ACOT7: variants seen among roughly 807,000 people sequenced by gnomAD.
The protein encoded by ACOT7 is cytosolic acyl coenzyme A thioester hydrolase.
A neutral mutation model predicts 40.2 loss-of-function variants in ACOT7; 12 were observed. The observed-to-expected ratio is 0.30, with a 90% CI of 0.19 to 0.48. ACOT7 has a LOEUF of 0.48. Ranked by LOEUF, ACOT7 falls within the 20% of genes least tolerant of loss-of-function variation. ACOT7 has a pLI of 0.99. For synonymous variants in ACOT7, 228 were observed against 219.5 expected (o/e 1.04, Z -0.34); for missense variants, 395 against 530.8 (o/e 0.74, Z 2.51).
At position 6,393,229 on chromosome 1, in the gene ACOT7, T is replaced by G. The variant is rs1431266566; in HGVS notation, c.143+28A>C. The G allele has an allele frequency of 5.5e-6, 7 of 1,268,224 alleles. No homozygotes were observed. The African/African-American group carries it at 6.1e-5, about 11-fold the overall frequency. The allele number at this position is 1,268,224 out of a possible 1,614,324, so 78.6% of individuals were successfully genotyped here. On this transcript the variant is annotated intron_variant, in intron 1 of 8. Transcript: ENST00000361521. ...GGCGGTGACCGGCGCGCCTGGCCGC[T>G]GCAGGCTGCGCGCGGGCCCTCTCTT...
chr1:6,313,214 G>T (rs747281415), intron 6 of ACOT7, among the ~76,000 whole-genome samples: 1 of 152,206 alleles, frequency 6.6e-6, no homozygotes, highest in Non-Finnish European at 1.5e-5. Context: ...TGCAAACTAC[G>T]TGATTTGCTA....
Position 6,393,350 on chromosome 1 carries a change from C to A in ACOT7, c.50G>T (p.Cys17Phe), listed in dbSNP as rs1191730172. 8.0e-7 allele frequency: 1 copy of A among 1,249,090 alleles called. No homozygotes were observed. Among genetic ancestry groups the A allele is most frequent in the East Asian group, 3.0e-5 (1 of 32,860 alleles). The allele number at this position is 1,249,090 out of a possible 1,614,324, so 77.4% of individuals were successfully genotyped here. A position where few individuals can be genotyped will look rare whatever the true frequency, so the allele number is the denominator to read the frequency against. The change falls in exon 1 of 9, where the codon TGC becomes TTC. Residue 17 changes from cysteine to phenylalanine, a missense_variant. Physicochemically the swap from Cys to Phe is radical, Grantham distance 205 (BLOSUM62 -2). Transcript: ENST00000361521. ...IHSAPGLPDT[C>F]ALLQPPAASA... ...TGCGGCGGGCGGCTGCAGAAGGGCG[C>A]AGGTGTCTGGCAGGCCCGGCGCGGA...
At chr1:6,370,207 C>T (rs1642102449) in intron 1 of ACOT7, among the ~76,000 whole-genome samples, 1 of 152,110 alleles carries the variant, frequency 6.6e-6, no homozygotes, top group African/African-American at 2.4e-5. Flanking sequence ...GCTTCCCTTC[C>T]CCTTCTGCTG....
In ACOT7 at chr1:6,330,361, A is replaced by C. The variant is rs1640921637; in HGVS notation, c.511-2948T>G. 6.6e-6 allele frequency among the ~76,000 whole-genome samples: 1 copy of C among 152,148 alleles called. No homozygotes were observed. Among genetic ancestry groups the C allele is most frequent in the Admixed American group, 6.5e-5 (1 of 15,278 alleles). The stretch of plus-strand genomic sequence containing the variant: ...CTCTGGCCGGGCCCACCAGTGAAAA[A>C]CAGGAGACCTAGATTCCAAATCAGT... On this transcript the variant is annotated intron_variant, in intron 4 of 8. Coordinates refer to ENST00000361521, the MANE Select transcript of ACOT7 (RefSeq NM_007274.4). The surrounding 1 kb of genome is among the most constrained non-coding windows in gnomAD (Gnocchi z 4.6).
chr1:6,368,704 G>C (rs1239849651), intron 1 of ACOT7, among the ~76,000 whole-genome samples: 2 of 152,202 alleles, frequency 1.3e-5, no homozygotes, highest in African/African-American at 2.4e-5. Flanking sequence ...CCAGGGTCTG[G>C]AGCGGCAAGG....
intron 2 of ACOT7, among the ~76,000 whole-genome samples, chr1:6,342,789 T>C (rs1641311031): frequency 6.6e-6 from 1 of 152,258 alleles, no homozygotes; most frequent in African/African-American, 2.4e-5. Context: ...GATTATTTTC[T>C]GGGCCCAAGG....
intron 2 of ACOT7, among the ~76,000 whole-genome samples, chr1:6,343,301 T>C (rs1223717142): frequency 6.6e-6 from 1 of 152,104 alleles, no homozygotes; most frequent in African/African-American, 2.4e-5. Context: ...CTCACTGAGG[T>C]GGGGTTAACA....
At chr1:6,265,625 G>A (rs1413334260) in intron 8 of ACOT7, among the ~76,000 whole-genome samples, 1 of 152,048 alleles carries the variant, frequency 6.6e-6, no homozygotes, top group African/African-American at 2.4e-5. Flanking sequence ...CTGTCTTGTG[G>A]CCCCTGGGCA....
intron 1 of ACOT7, among the ~76,000 whole-genome samples, chr1:6,376,267 A>G (rs1430142514): frequency 6.6e-6 from 1 of 151,890 alleles, no homozygotes; most frequent in Non-Finnish European, 1.5e-5. Flanking sequence ...TAAAACAAAA[A>G]CAAACCAACA....
chr1:6,343,444 G>C (rs527826197), intron 2 of ACOT7, among the ~76,000 whole-genome samples: 5 of 152,382 alleles, frequency 3.3e-5, no homozygotes, highest in African/African-American at 1.2e-4. Flanking sequence ...ATCTGGGGCT[G>C]GGCAAGAAAA....
intron 1 of ACOT7, among the ~76,000 whole-genome samples, chr1:6,373,025 A>G (rs112091910): frequency 1.3e-5 from 2 of 152,306 alleles, no homozygotes; most frequent in African/African-American, 4.8e-5. Flanking sequence ...AACACATACA[A>G]CATTTATCAA....
rs1032864093 is a variant in ACOT7, at chr1:6,349,640, G to A, written c.261+109C>T. On this transcript the variant is annotated intron_variant, in intron 2 of 8. Transcript: ENST00000361521. ...CTTCTCCCACAGTTCCCAAGGCCCA[G>A]TGCACAAGGGGAGGGAAGGCTGCAG... 3.8e-6 allele frequency: 4 copies of A among 1,054,512 alleles called. No individual in the cohort carries two copies. The African/African-American group carries it at 6.3e-5, about 17-fold the overall frequency. The allele number at this position is 1,054,512 out of a possible 1,614,324, so 65.3% of individuals were successfully genotyped here.
intron 8 of ACOT7, among the ~76,000 whole-genome samples, chr1:6,265,253 G>C (rs12096918): frequency 5.1e-5 from 7 of 137,230 alleles, no homozygotes; most frequent in African/African-American, 2.2e-4. Flanking sequence ...CACTGCCCCA[G>C]AGAGACGTGG....
intron 5 of ACOT7, among the ~76,000 whole-genome samples, chr1:6,323,739 T>A (rs11810877): frequency 0.026 from 1,735 of 66,570 alleles, 13 homozygotes; most frequent in East Asian, 0.05. Flanking sequence ...AAAAAAAAAA[T>A]ATATATATAT....
At chr1:6,291,376 C>T (rs1639659310) in intron 7 of ACOT7, among the ~76,000 whole-genome samples, 2 of 151,982 alleles carry the variant, frequency 1.3e-5, no homozygotes, top group South Asian at 2.1e-4. Context: ...AGCCAAGAAA[C>T]GTCAAGGAAC....
intron 6 of ACOT7, among the ~76,000 whole-genome samples, chr1:6,310,727 T>TTTG (rs371258170): frequency 0.027 from 4,107 of 152,134 alleles, 194 homozygotes; most frequent in African/African-American, 0.093. Context: ...GTTTGTTTGT[T>TTTG]TTGTTGTTGT....
chr1:6,342,679 A>G (rs978414870), intron 2 of ACOT7, among the ~76,000 whole-genome samples: 1 of 152,198 alleles, frequency 6.6e-6, no homozygotes, highest in Non-Finnish European at 1.5e-5. Flanking sequence ...GGAATTGAAC[A>G]TTCTTCTTCT....
At chr1:6,392,643 G>C (rs917134874) in intron 1 of ACOT7, among the ~76,000 whole-genome samples, 4 of 152,186 alleles carry the variant, frequency 2.6e-5, no homozygotes, top group African/African-American at 9.7e-5. Flanking sequence ...ATAGTAAACT[G>C]TTAGAGGTAG....
At chr1:6,354,084 T>C (rs916902322) in intron 1 of ACOT7, among the ~76,000 whole-genome samples, 8 of 152,184 alleles carry the variant, frequency 5.3e-5, no homozygotes, top group Admixed American at 4.6e-4. Context: ...CCAGTCCTTG[T>C]AGCATGAGTG....
Sources: allele counts gnomAD v4.1 joint callset (sites outside exome capture counted in the v4.1 genomes callset), GRCh38; gene constraint gnomAD v4.1.1; non-coding constraint Gnocchi (gnomAD v3.1); transcripts MANE v1.5; gene names NCBI Gene and HGNC (gene_info 2026-07-23, HGNC 2026-07-21).